The following SFI1 variants were observed in gnomAD, a reference collection of about 807,000 sequenced individuals.
SFI1 encodes protein SFI1 homolog.
In SFI1, 195 loss-of-function variants were observed where a neutral mutation model predicts 207.5. The observed-to-expected ratio is 0.94, with a 90% CI of 0.84 to 1.06. SFI1 has a LOEUF of 1.06. Among genes scored for constraint, SFI1 ranks in the 50% least tolerant of loss-of-function variants. The pLI is 0.00. For synonymous variants in SFI1, 630 were observed against 598.9 expected (o/e 1.05, Z -0.76); for missense variants, 1,634 against 1,588.0 (o/e 1.03, Z -0.49).
In SFI1 at chr22:31,539,720, G is replaced by C. The variant is rs536384642; in HGVS notation, c.339-7141G>C. 4.6e-5 allele frequency among the ~76,000 whole-genome samples: 7 copies of C among 151,674 alleles called. No homozygotes were observed. In the South Asian group the frequency reaches 1.5e-3, roughly 32 times the overall value. On this transcript the variant is annotated intron_variant, in intron 4 of 32. Transcript: ENST00000400288. The stretch of plus-strand genomic sequence containing the variant: ...GCAGGACCCTAAAAAGCTTATTTTA[G>C]AAGCCTTTTTTTTTTGAGACAGGGT...
chr22:31,559,009 A>G (rs146846483), intron 7 of SFI1, among the ~76,000 whole-genome samples: 1,781 of 151,356 alleles, frequency 0.012, 9 homozygotes, highest in Middle Eastern at 0.032. Flanking sequence ...GTTTCACCAC[A>G]TTGGCCAGGC....
At chr22:31,501,393 G>C (rs1026067054) in intron 1 of SFI1, among the ~76,000 whole-genome samples, 2 of 151,322 alleles carry the variant, frequency 1.3e-5, no homozygotes, top group Non-Finnish European at 2.9e-5. Flanking sequence ...GGATGGTCTC[G>C]ATCTCCTGAC....
chr22:31,577,303 T>C (rs1430733112), intron 10 of SFI1, among the ~76,000 whole-genome samples: 1 of 152,162 alleles, frequency 6.6e-6, no homozygotes, highest in African/African-American at 2.4e-5. Flanking sequence ...TGCAGAAGGT[T>C]GGAAAAGGCA....
intron 15 of SFI1, among the ~76,000 whole-genome samples, chr22:31,592,809 T>A (rs1294799280): frequency 1.6e-5 from 2 of 124,618 alleles, no homozygotes; most frequent in Non-Finnish European, 3.4e-5. Flanking sequence ...GGGGGAGGGC[T>A]GACCCCCCCA....
chr22:31,549,125 A>G (rs1425318470), intron 5 of SFI1, among the ~76,000 whole-genome samples: 3 of 151,234 alleles, frequency 2.0e-5, no homozygotes, highest in African/African-American at 7.3e-5. Flanking sequence ...CCCCTCTACA[A>G]AAAAATACAA....
chr22:31,601,618 T>C (rs917270650), intron 15 of SFI1, among the ~76,000 whole-genome samples: 4 of 152,158 alleles, frequency 2.6e-5, no homozygotes, highest in African/African-American at 9.7e-5. Flanking sequence ...CAATATAGAA[T>C]TAATGAAGAC....
In SFI1 at chr22:31,615,261, G is replaced by A; in HGVS notation, c.3282G>A (p.Gly1094=). The change falls in exon 29 of 33, where the codon GGG becomes GGA. Residue 1094 remains glycine (G), a synonymous_variant. Coordinates refer to ENST00000400288, the MANE Select transcript of SFI1 (RefSeq NM_001007467.3). ...LLPLSSFMPC[G]AAAPARVSAQ... ...CTCTTTCCTCCTTCATGCCCTGCGG[G>A]GCGGCTGCACCAGCCAGGGTACGTC... is the stretch of plus-strand genomic sequence containing the variant. 5 of 1,505,180 alleles carry A rather than the reference G, an allele frequency of 3.3e-6. No individual in the cohort carries two copies. Among genetic ancestry groups the A allele is most frequent in the Non-Finnish European group, 4.4e-6 (5 of 1,134,464 alleles). 93.2% of individuals were successfully genotyped at this position (1,505,180 alleles called of 1,614,324 possible).
intron 2 of SFI1, among the ~76,000 whole-genome samples, chr22:31,518,743 T>C (rs941562557): frequency 2.4e-4 from 36 of 152,332 alleles, no homozygotes; most frequent in African/African-American, 8.2e-4. Context: ...GGACCTACAC[T>C]GTTGTGTGTT....
chr22:31,576,314 C>T (rs573763209), intron 10 of SFI1, among the ~76,000 whole-genome samples: 15 of 149,518 alleles, frequency 1.0e-4, no homozygotes, highest in African/African-American at 1.5e-4. Context: ...CATGAGCCAG[C>T]GTACCCAGCC....
In SFI1 at chr22:31,617,124, G is replaced by A. The variant is rs915341020; in HGVS notation, c.3512+46G>A. 1.9e-6 allele frequency: 3 copies of A among 1,602,318 alleles called. No individual in the cohort carries two copies. The African/African-American group carries it at 4.0e-5, about 21-fold the overall frequency. Reference sequence around the variant, plus strand: ...TGCAGCCCTGGCTACAGGAGCAGGTGTTGCCTGGAGAGGTGGGCAGGCAGT... The same window carrying A: ...TGCAGCCCTGGCTACAGGAGCAGGTATTGCCTGGAGAGGTGGGCAGGCAGT... On this transcript the variant is annotated intron_variant, in intron 31 of 32. Transcript: ENST00000400288.
rs549088380 is a variant in SFI1, at chr22:31,560,084, A to G, written c.663-1206A>G. The G allele has an allele frequency of 8.0e-4, 191 of 237,900 alleles. 3 individuals are homozygous for G. The South Asian group carries it at 0.011, about 14-fold the overall frequency. The allele number at this position is 237,900 out of a possible 1,614,324, so 14.7% of individuals were successfully genotyped here. On this transcript the variant is annotated intron_variant, in intron 7 of 32. Coordinates refer to ENST00000400288, the MANE Select transcript of SFI1 (RefSeq NM_001007467.3). ...TGATTCCCTGGATGCATAAGAAGAT[A>G]AGTGATAATGTGAGATAGCTTGAGG...
chr22:31,499,213 T>C (rs569728948), intron 1 of SFI1, among the ~76,000 whole-genome samples: 24 of 152,046 alleles, frequency 1.6e-4, no homozygotes, highest in Non-Finnish European at 3.2e-4. Flanking sequence ...TTGAGCAGGC[T>C]GGTCTTGAAC....
chr22:31,575,096 GT>G, intron 9 of SFI1, 134 bp from the exon 10 acceptor site: 7 of 298,234 alleles, frequency 2.3e-5, no homozygotes, highest in East Asian at 2.0e-4. Flanking sequence ...GTGTGTGTGT[GT>G]GTGTGTGTGT....
At chr22:31,605,170 A>T in intron 20 of SFI1, 1 of 384,850 alleles carries the variant, frequency 2.6e-6, no homozygotes, top group Non-Finnish European at 4.6e-6. Flanking sequence ...TGTTACCTGC[A>T]TGCCTTAAAG....
chr22:31,604,269 G>C, intron 18 of SFI1, 40 bp from the exon 19 acceptor site: 1 of 1,523,536 alleles, frequency 6.6e-7, no homozygotes. Context: ...CCCCAACTCA[G>C]ACCCCAGCCC....
In SFI1 at chr22:31,607,951, G is replaced by A. The variant is rs1569455004; in HGVS notation, c.2172G>A (p.Trp724Ter). 1 of 1,613,808 alleles carries A rather than the reference G, an allele frequency of 6.2e-7. No individual in the cohort carries two copies. The change falls in exon 22 of 33, where the codon TGG becomes TGA. Residue 724 changes from tryptophan to a stop codon, truncating the protein, a stop_gained. Transcript: ENST00000400288. LOFTEE classifies it high-confidence loss of function. Reference sequence around the variant, plus strand: ...CCTGCCCATAGGTCCTGGTCCAGTGGCGGGAAGCTGTGTCAGTGCAGATGT... The same window carrying A: ...CCTGCCCATAGGTCCTGGTCCAGTGACGGGAAGCTGTGTCAGTGCAGATGT... ...RTICSKVLVQ[W>*]REAVSVQMYY... is the part of the protein sequence containing the mutation.
At position 31,590,951 on chromosome 22, in the gene SFI1, TTTTA is replaced by T. The variant is rs200262154; in HGVS notation, c.1544+1402_1544+1405del. Among the ~76,000 whole-genome samples, 12 of 144,350 alleles carry T rather than the reference TTTTA, an allele frequency of 8.3e-5. 1 individual carries two copies. The highest frequency in any genetic ancestry group is 2.1e-4 in the South Asian group (1 of 4,664). 94.7% of individuals were successfully genotyped at this position (144,350 alleles called of 152,430 possible). A position where few individuals can be genotyped will look rare whatever the true frequency, so the allele number is the denominator to read the frequency against. ...CTTTTCTATATTCCAACTTTTTTCT[TTTTA>T]TTTATTTATTTATTTATTTATTTAT... On this transcript the variant is annotated intron_variant, in intron 15 of 32. Transcript: ENST00000400288.
chr22:31,516,526 A>G (rs765174909), intron 2 of SFI1, among the ~76,000 whole-genome samples: 22 of 151,622 alleles, frequency 1.5e-4, no homozygotes, highest in African/African-American at 7.3e-5. Context: ...AAGAAAGAAA[A>G]AAAAAAGAAA....
chr22:31,615,325 G>A, intron 29 of SFI1, 46 bp downstream of exon 29: 2 of 1,412,630 alleles, frequency 1.4e-6, no homozygotes, highest in Non-Finnish European at 1.9e-6. Flanking sequence ...TCTCACTCTG[G>A]TCTGACTTCT....
Sources: gnomAD v4.1 joint callset for allele counts (sites outside exome capture counted in the v4.1 genomes callset) on GRCh38, gnomAD v4.1.1 for gene constraint, MANE v1.5 for transcripts, NCBI Gene and HGNC (gene_info 2026-07-23, HGNC 2026-07-21) for gene names.